RSF1: variants seen among roughly 807,000 people sequenced by gnomAD.
RSF1 encodes the protein HBV pX-associated protein 8.
Under a neutral mutation model 145.2 loss-of-function variants are expected in RSF1, and 13 were observed. That is an observed-to-expected ratio of 0.09 (90% confidence interval 0.06 to 0.14). RSF1 has a LOEUF of 0.14. Ranked by LOEUF, RSF1 falls within the 10% of genes least tolerant of loss-of-function variation. The probability of loss-of-function intolerance (pLI) is 1.00; values close to 1 mark genes in which losing one functional copy is unlikely to be tolerated. For missense variants in RSF1, 1,517 were observed against 1,718.2 expected (o/e 0.88, Z 2.07); for synonymous variants, 577 against 592.6 (o/e 0.97, Z 0.38).
chr11:77,793,549 T>TA (rs1158777439), intron 1 of RSF1, among the ~76,000 whole-genome samples: 1 of 152,008 alleles, frequency 6.6e-6, no homozygotes, highest in Non-Finnish European at 1.5e-5. Flanking sequence ...ACTTCACCAG[T>TA]AAAGACACAT....
chr11:77,831,786 C>T, the RSF1 span: 1 of 151,378 alleles, frequency 6.6e-6, no homozygotes, highest in Admixed American at 6.6e-5. Flanking sequence ...ACCTCTGCCT[C>T]CCAGTTTCAA....
chr11:77,710,741 C>A (rs1177232793), intron 5 of RSF1, among the ~76,000 whole-genome samples: 1 of 152,168 alleles, frequency 6.6e-6, no homozygotes, highest in African/African-American at 2.4e-5. Flanking sequence ...TGCTGACATT[C>A]CCATTCTATC....
intron 1 of RSF1, among the ~76,000 whole-genome samples, chr11:77,768,845 T>A (rs1044490419): frequency 6.6e-6 from 1 of 152,170 alleles, no homozygotes; most frequent in Admixed American, 6.5e-5. Flanking sequence ...AACGGCACTG[T>A]CTATTAAATA....
chr11:77,743,843 A>G (rs1565167358), intron 3 of RSF1, among the ~76,000 whole-genome samples: 2 of 152,150 alleles, frequency 1.3e-5, no homozygotes, highest in Admixed American at 6.5e-5. Context: ...ATGTAAGCTG[A>G]GGGGTTGTAT....
At chr11:77,813,487 T>C (rs1948750273) in intron 1 of RSF1, 1 of 959,796 alleles carries the variant, frequency 1.0e-6, no homozygotes, top group Non-Finnish European at 1.7e-6. Flanking sequence ...TTTTCTGTAG[T>C]GATTCTCAAA....
chr11:77,838,829 G>A, the RSF1 span, among the ~76,000 whole-genome samples: 569 of 151,976 alleles, frequency 3.7e-3, 24 homozygotes, highest in East Asian at 0.097. Flanking sequence ...TGTTAGCCAG[G>A]ATGGTCTCAA....
chr11:77,713,713 CCT>C (rs533143018), intron 5 of RSF1, among the ~76,000 whole-genome samples: 15 of 151,754 alleles, frequency 9.9e-5, no homozygotes, highest in Non-Finnish European at 1.8e-4. Context: ...TTACAAATAC[CCT>C]GTTTTCTAAT....
intron 3 of RSF1, among the ~76,000 whole-genome samples, chr11:77,742,426 C>T (rs1257115700): frequency 6.6e-6 from 1 of 151,980 alleles, no homozygotes; most frequent in African/African-American, 2.4e-5. Flanking sequence ...ACTACAGGGG[C>T]GTGCCACCAT....
intron 5 of RSF1, among the ~76,000 whole-genome samples, chr11:77,723,364 G>A (rs1222367438): frequency 1.3e-5 from 2 of 152,178 alleles, no homozygotes; most frequent in African/African-American, 4.8e-5. Context: ...AGGAAAGGCT[G>A]AAGGGCTGGG....
intron 12 of RSF1, 71 bp downstream of exon 12, chr11:77,678,015 G>T: frequency 1.0e-6 from 1 of 976,300 alleles, no homozygotes; most frequent in Non-Finnish European, 1.7e-6. Context: ...TATGCTCACT[G>T]CCCTAATTTG....
chr11:77,671,156 T>A (rs1341338533), intron 15 of RSF1, among the ~76,000 whole-genome samples: 11 of 62,480 alleles, frequency 1.8e-4, no homozygotes, highest in African/African-American at 5.3e-4. Context: ...TATATATATA[T>A]ATATATATAT....
intron 7 of RSF1, among the ~76,000 whole-genome samples, chr11:77,698,069 G>A (rs1408378508): frequency 1.3e-5 from 2 of 152,180 alleles, no homozygotes; most frequent in African/African-American, 2.4e-5. Flanking sequence ...GGCTGCATTT[G>A]AATTACTGGG....
chr11:77,803,283 G>A (rs935044799), intron 1 of RSF1, among the ~76,000 whole-genome samples: 1 of 151,988 alleles, frequency 6.6e-6, no homozygotes, highest in Non-Finnish European at 1.5e-5. Context: ...AAGTAACCAG[G>A]ACTACAGTTG....
At chr11:77,761,828 AT>A (rs11381383) in intron 2 of RSF1, among the ~76,000 whole-genome samples, 14 of 119,538 alleles carry the variant, frequency 1.2e-4, no homozygotes, top group Admixed American at 9.6e-5. Flanking sequence ...CCATTCGGTG[AT>A]TTTTTTTTTT....
At chr11:77,853,008 T>C in the RSF1 span, among the ~76,000 whole-genome samples, 2 of 152,244 alleles carry the variant, frequency 1.3e-5, no homozygotes, top group Non-Finnish European at 2.9e-5. Context: ...AATAACCATG[T>C]ACATTTTTTT....
In RSF1 at chr11:77,740,799, A is replaced by C. The variant is rs137912071; in HGVS notation, c.510T>G (p.Asp170Glu). Residue 170 changes from aspartate (D) to glutamate (E), a missense_variant, in exon 4 of 16, where the codon GAT becomes GAG. Around this residue, in one of 12 missense-constraint regions of RSF1, gnomAD observed 94 missense variants for 143.6 expected, o/e 0.65. Transcript: ENST00000308488. The stretch of plus-strand genomic sequence containing the variant: ...CTTCTATGTACATTCTGACATTGTG[A>C]TCTTGATCCAATTGGTACCAGTACA... Reference protein sequence around the residue: ...GLMYWYQLDQDHNVRMYIEEQ... With the variant: ...GLMYWYQLDQEHNVRMYIEEQ... 1.0e-4 allele frequency: 166 copies of C among 1,613,984 alleles called. No individual in the cohort carries two copies. Among genetic ancestry groups the C allele is most frequent in the Non-Finnish European group, 1.3e-4 (151 of 1,179,974 alleles).
the RSF1 span, among the ~76,000 whole-genome samples, chr11:77,862,300 G>A: frequency 6.6e-6 from 1 of 152,262 alleles, no homozygotes; most frequent in South Asian, 2.1e-4. Flanking sequence ...CTCTCATTTG[G>A]CGTTAGTGTC....
At chr11:77,815,760 CCCA>C (rs138607827) in intron 1 of RSF1, among the ~76,000 whole-genome samples, 38,479 of 151,398 alleles carry the variant, frequency 0.25, 5,550 homozygotes, top group South Asian at 0.49. Flanking sequence ...AAAAATAATC[CCCA>C]CAATATTTAC....
intron 4 of RSF1, among the ~76,000 whole-genome samples, chr11:77,737,068 T>C (rs960844632): frequency 3.3e-5 from 5 of 152,188 alleles, no homozygotes; most frequent in African/African-American, 7.2e-5. Flanking sequence ...TCATTGTAAA[T>C]AGAAACATAT....
Sources: gnomAD v4.1 joint callset for allele counts (sites outside exome capture counted in the v4.1 genomes callset) on GRCh38, gnomAD v4.1.1 for gene constraint, gnomAD v4.1.1 regional missense constraint, MANE v1.5 for transcripts, NCBI Gene and HGNC (gene_info 2026-07-23, HGNC 2026-07-21) for gene names.